Variants in ZNF649 observed in about 807,000 individuals in gnomAD.
The protein encoded by ZNF649 is zinc finger protein 649.
ZNF649 carries 7 observed loss-of-function variants against 14.1 expected under a neutral mutation model. The observed-to-expected ratio is 0.49, with a 90% CI of 0.28 to 0.93. The LOEUF (loss-of-function observed/expected upper bound fraction) is 0.93. Among genes scored for constraint, ZNF649 ranks in the 40% least tolerant of loss-of-function variants. The pLI, the probability that ZNF649 is intolerant of heterozygous loss-of-function variation, is 0.10. For missense variants in ZNF649, 544 were observed against 608.1 expected, an observed-to-expected ratio of 0.89 and a Z score of 1.11; for synonymous variants, 227 against 212.3, an observed-to-expected ratio of 1.07 and a Z score of -0.60.
chr19:51,890,855 C>G lies in ZNF649; in HGVS notation c.1281G>C (p.Glu427Asp). The G allele has an allele frequency of 6.2e-7, 1 of 1,614,240 alleles. No individual in the cohort carries two copies. Among genetic ancestry groups the G allele is most frequent in the South Asian group, 1.1e-5 (1 of 91,076 alleles). The change falls in exon 5 of 5, where the codon GAG becomes GAC. Residue 427 changes from glutamate (E) to aspartate (D), a missense_variant. Glu to Asp is a conservative substitution (Grantham distance 45). Coordinates refer to ENST00000354957, the MANE Select transcript of ZNF649 (RefSeq NM_023074.4). ...LIVHHRTHTG[E>D]RPYGCDECEK... ...CACACTCATCACAGCCATAGGGTCTCTCTCCCGTGTGAGTTCTGTGATGTA... is the reference window on the plus strand; with the variant it reads ...CACACTCATCACAGCCATAGGGTCTGTCTCCCGTGTGAGTTCTGTGATGTA...
chr19:51,904,967 T>C lies in ZNF649; in HGVS notation c.-241A>G. On this transcript the variant is annotated 5_prime_UTR_variant, in exon 1 of 5. Coordinates refer to ENST00000354957, the MANE Select transcript of ZNF649 (RefSeq NM_023074.4). ...CCCTGAATGCTTCCTTTCCTGGCCC[T>C]TAAACCCCGGCACTGGCCTATGGCG... is the stretch of plus-strand genomic sequence containing the variant. The C allele has an allele frequency of 6.7e-6, 1 of 148,516 alleles. No individual in the cohort carries two copies. Among genetic ancestry groups the C allele is most frequent in the Non-Finnish European group, 1.5e-5 (1 of 68,248 alleles). 9.2% of individuals were successfully genotyped at this position (148,516 alleles called of 1,614,324 possible).
rs2085111902 is a variant in ZNF649 at position 51,904,463 on chromosome 19, G to GGT, written c.-188+450_-188+451insAC. Among the ~76,000 whole-genome samples, 3 of 152,106 alleles carry GGT rather than the reference G, an allele frequency of 2.0e-5. No homozygotes were observed. The East Asian group carries it at 5.8e-4, about 30-fold the overall frequency. On this transcript the variant is annotated intron_variant, in intron 1 of 4. Transcript: ENST00000354957. ...AGGGGCCTGGGCTTGTAAAATACCA[G>GGT]ATTTTACAAGCCTCTGAGCCCCACA...
At chr19:51,894,025 A>G (rs1248891868) in intron 4 of ZNF649, among the ~76,000 whole-genome samples, 1 of 152,166 alleles carries the variant, frequency 6.6e-6, no homozygotes, top group African/African-American at 2.4e-5. Context: ...CTGAACAATA[A>G]AAGTTTTACC....
At chr19:51,897,132 G>A (rs528756297) in intron 2 of ZNF649, 154 bp from the exon 3 acceptor site, 44 of 1,018,596 alleles carry the variant, frequency 4.3e-5, no homozygotes, top group South Asian at 3.6e-4. Flanking sequence ...CACATATACC[G>A]AAATTGTGCA....
Position 51,889,644 on chromosome 19 carries a change from T to C in ZNF649, c.*974A>G, listed in dbSNP as rs1246296608. 6.6e-6 allele frequency: 1 copy of C among 152,204 alleles called. No homozygotes were observed. Among genetic ancestry groups the C allele is most frequent in the Non-Finnish European group, 1.5e-5 (1 of 68,030 alleles). 9.4% of individuals were successfully genotyped at this position (152,204 alleles called of 1,614,324 possible). A position where few individuals can be genotyped will look rare whatever the true frequency, so the allele number is the denominator to read the frequency against. On this transcript the variant is annotated 3_prime_UTR_variant, in exon 5 of 5. Coordinates refer to ENST00000354957, the MANE Select transcript of ZNF649 (RefSeq NM_023074.4). ...ACTTCCTAATGCCATCCCTTAGGGA[T>C]TAGGACTTCAACATGTAAATTTGGA...
At chr19:51,896,711 T>C in intron 3 of ZNF649, 141 bp downstream of exon 3, 1 of 1,568,538 alleles carries the variant, frequency 6.4e-7, no homozygotes, top group South Asian at 1.1e-5. Context: ...AGGAAGATTA[T>C]GCCTCTTCCT....
Position 51,891,291 on chromosome 19 carries a change from C to G in ZNF649, c.845G>C (p.Arg282Thr). Residue 282 changes from arginine (R) to threonine (T), a missense_variant, in exon 5 of 5, where the codon AGG (arginine) becomes ACG (threonine). Transcript: ENST00000354957. This position sits in a 1 kb window ranked among gnomAD's most constrained non-coding sequence, Gnocchi z 4.2. Reference sequence around the variant, plus strand: ...ATGGGGCTTAATTCCCGTGTGAATCCTTTGATGTTCAGTAAGCTCAGATTT... The same window carrying G: ...ATGGGGCTTAATTCCCGTGTGAATCGTTTGATGTTCAGTAAGCTCAGATTT... ...PRKSELTEHQ[R>T]IHTGIKPHQC... The G allele has an allele frequency of 1.9e-6, 3 of 1,614,244 alleles. No individual in the cohort carries two copies. The highest frequency in any genetic ancestry group is 2.5e-6 in the Non-Finnish European group (3 of 1,180,054).
chr19:51,904,594 TAAA>T (rs1343342793), intron 1 of ZNF649, among the ~76,000 whole-genome samples: 1 of 151,872 alleles, frequency 6.6e-6, no homozygotes, highest in African/African-American at 2.4e-5. Flanking sequence ...TCACCGACTT[TAAA>T]CTGCAGCATT....
rs1223655046 is a variant in ZNF649 at position 51,890,363 on chromosome 19, G to A, written c.*255C>T. ...CCCTACCTTGGCCCCCGGAGTAAGA[G>A]ATATCATTCTGAGGAACACCAAGTG... is the stretch of plus-strand genomic sequence containing the variant. On this transcript the variant is annotated 3_prime_UTR_variant, in exon 5 of 5. Coordinates refer to ENST00000354957, the MANE Select transcript of ZNF649 (RefSeq NM_023074.4). 1.2e-5 allele frequency: 5 copies of A among 420,872 alleles called. No individual in the cohort carries two copies. Among genetic ancestry groups the A allele is most frequent in the Non-Finnish European group, 4.2e-6 (1 of 237,994 alleles). 26.1% of individuals were successfully genotyped at this position (420,872 alleles called of 1,614,324 possible).
intron 2 of ZNF649, among the ~76,000 whole-genome samples, chr19:51,897,433 G>A (rs534042035): frequency 6.6e-6 from 1 of 152,238 alleles, no homozygotes; most frequent in African/African-American, 2.4e-5. Context: ...TTGCTAACAT[G>A]AGAATGTCTG....
In ZNF649 at chr19:51,897,645, A is replaced by T. The variant is rs143023656; in HGVS notation, c.16-667T>A. Among the ~76,000 whole-genome samples the T allele has an allele frequency of 7.8e-3, 1,184 of 152,316 alleles. 21 individuals carry two copies. Among genetic ancestry groups the T allele is most frequent in the African/African-American group, 0.027 (1,117 of 41,560 alleles). On this transcript the variant is annotated intron_variant, in intron 2 of 4. Coordinates refer to ENST00000354957, the MANE Select transcript of ZNF649 (RefSeq NM_023074.4). ...TGCATAGATACATGTATATGTATAC[A>T]ACGCATGTATACACACACATACACA...
intron 4 of ZNF649, among the ~76,000 whole-genome samples, chr19:51,894,682 C>T (rs62107511): frequency 1.2e-4 from 18 of 152,164 alleles, no homozygotes; most frequent in African/African-American, 2.4e-4. Context: ...ACATTTCACA[C>T]GTTCAAAAGT....
intron 2 of ZNF649, among the ~76,000 whole-genome samples, chr19:51,897,397 CTGT>C (rs1348570181): frequency 6.6e-6 from 1 of 152,132 alleles, no homozygotes; most frequent in African/African-American, 2.4e-5. Context: ...TCATAAGTTT[CTGT>C]AATATGCAGC....
chr19:51,896,427 G>A lies in ZNF649; in HGVS notation c.238+45C>T, dbSNP rs1242633426. The A allele has an allele frequency of 1.9e-6, 3 of 1,559,944 alleles. No individual in the cohort carries two copies. The East Asian group carries it at 6.7e-5, about 35-fold the overall frequency. On this transcript the variant is annotated intron_variant, in intron 4 of 4. Transcript: ENST00000354957. ...CATGCCTTCTCTAAATGACCAGAAT[G>A]TGACTTCCGCTGCCTTCCCCTCTTG... is the stretch of plus-strand genomic sequence containing the variant.
At chr19:51,903,027 A>G (rs2085103684) in intron 1 of ZNF649, among the ~76,000 whole-genome samples, 1 of 152,122 alleles carries the variant, frequency 6.6e-6, no homozygotes, top group African/African-American at 2.4e-5. Flanking sequence ...CTCAGGGCAA[A>G]TGGGAAAAGG....
chr19:51,899,126 C>A (rs530077087), intron 2 of ZNF649, among the ~76,000 whole-genome samples: 1 of 152,304 alleles, frequency 6.6e-6, no homozygotes, highest in Admixed American at 6.5e-5. Context: ...GAACAAAATA[C>A]ACTCCTATCA....
rs750357347 is a variant in ZNF649 at position 51,890,612 on chromosome 19, T to A, written c.*6A>T. 8.7e-5 allele frequency: 138 copies of A among 1,587,944 alleles called. No homozygotes were observed. Among genetic ancestry groups the A allele is most frequent in the Non-Finnish European group, 1.1e-4 (123 of 1,159,908 alleles). ...GAGGCTATATGATCAAACAGCAAAC[T>A]GTTTATCATGAATGCAGGATGTGGG... On this transcript the variant is annotated 3_prime_UTR_variant, in exon 5 of 5. Transcript: ENST00000354957.
chr19:51,896,162 AAC>A, intron 4 of ZNF649: 1 of 244,152 alleles, frequency 4.1e-6, no homozygotes, highest in Non-Finnish European at 8.1e-6. Context: ...TTGCCTCAGA[AAC>A]ACAAAATGAT....
At chr19:51,892,463 G>A (rs909644993) in intron 4 of ZNF649, among the ~76,000 whole-genome samples, 4 of 152,018 alleles carry the variant, frequency 2.6e-5, no homozygotes, top group African/African-American at 9.7e-5. Context: ...AAGATCACTT[G>A]AGCCCAGGAG....
Sources: gnomAD v4.1 joint callset for allele counts (sites outside exome capture counted in the v4.1 genomes callset) on GRCh38, gnomAD v4.1.1 for gene constraint, Gnocchi (gnomAD v3.1) non-coding constraint, MANE v1.5 for transcripts, NCBI Gene and HGNC (gene_info 2026-07-23, HGNC 2026-07-21) for gene names.